Variants in GRID1 observed in about 807,000 individuals in gnomAD.
GRID1 encodes glutamate ionotropic receptor delta type subunit 1.
In GRID1, 28 loss-of-function variants were observed where a neutral mutation model predicts 98.0. The observed-to-expected ratio is 0.29, with a 90% confidence interval of 0.21 to 0.39. The LOEUF (loss-of-function observed/expected upper bound fraction) is 0.39, where lower values mean the gene tolerates loss of function less well. GRID1 is among the 10% of genes least tolerant of loss of function. The pLI is 1.00. For missense variants in GRID1, 1,111 were observed against 1,340.5 expected, an observed-to-expected ratio of 0.83 and a Z score of 2.67; for synonymous variants, 553 against 538.5, an observed-to-expected ratio of 1.03 and a Z score of -0.37.
At chr10:86,177,339 C>T (rs754273754) in intron 3 of GRID1, among the ~76,000 whole-genome samples, 21 of 152,162 alleles carry the variant, frequency 1.4e-4, no homozygotes, top group Non-Finnish European at 2.6e-4. Context: ...GCTCAACATT[C>T]AACTTACTTC....
chr10:86,348,656 A>G (rs1040317563), intron 2 of GRID1, among the ~76,000 whole-genome samples: 8 of 152,208 alleles, frequency 5.3e-5, no homozygotes, highest in African/African-American at 1.7e-4. Flanking sequence ...GTCCCAGCAC[A>G]TCCACGCACG....
At chr10:86,240,596 C>T (rs1311805236) in intron 2 of GRID1, among the ~76,000 whole-genome samples, 4 of 45,192 alleles carry the variant, frequency 8.9e-5, no homozygotes, top group Non-Finnish European at 1.5e-4. Context: ...GCGGCGGGGG[C>T]GGGGGTGGGC....
intron 12 of GRID1, among the ~76,000 whole-genome samples, chr10:85,721,841 T>C (rs1426432315): frequency 6.6e-6 from 1 of 152,148 alleles, no homozygotes; most frequent in Non-Finnish European, 1.5e-5. Context: ...AATGCACACA[T>C]ACATATACAC....
At chr10:85,680,323 C>T (rs569631546) in intron 12 of GRID1, among the ~76,000 whole-genome samples, 2 of 152,292 alleles carry the variant, frequency 1.3e-5, no homozygotes, top group African/African-American at 4.8e-5. Context: ...ACTACACCCT[C>T]ACTCCTTCCC....
rs201870748 is a variant in GRID1, at chr10:85,716,816, A to T, written c.1997+6187T>A. Among the ~76,000 whole-genome samples the T allele has an allele frequency of 4.2e-4, 63 of 151,710 alleles. 1 individual carries two copies. In the East Asian group the frequency reaches 7.5e-3, roughly 18 times the overall value. ...GAGGATATTATGTTACGTTAACTCA[A>T]ATATTATATTATGTTAACTCAAATA... On this transcript the variant is annotated intron_variant, in intron 12 of 15. Coordinates refer to ENST00000327946, the MANE Select transcript of GRID1 (RefSeq NM_017551.3).
At chr10:86,279,379 C>A (rs1281846458) in intron 2 of GRID1, among the ~76,000 whole-genome samples, 1 of 152,120 alleles carries the variant, frequency 6.6e-6, no homozygotes, top group Non-Finnish European at 1.5e-5. Flanking sequence ...AATTTAGATG[C>A]AAAAACTTTA....
intron 2 of GRID1, among the ~76,000 whole-genome samples, chr10:86,262,608 A>T (rs927524258): frequency 6.6e-6 from 1 of 152,292 alleles, no homozygotes; most frequent in Admixed American, 6.5e-5. Flanking sequence ...GCTCTGGACC[A>T]CAGCCCTGTT....
At chr10:86,056,177 G>C (rs1843569674) in intron 4 of GRID1, among the ~76,000 whole-genome samples, 1 of 152,164 alleles carries the variant, frequency 6.6e-6, no homozygotes. Context: ...GCCTTGAGTT[G>C]TCCCAGAATC....
chr10:86,193,839 C>T (rs1373826038), intron 3 of GRID1, among the ~76,000 whole-genome samples: 1 of 151,962 alleles, frequency 6.6e-6, no homozygotes, highest in Non-Finnish European at 1.5e-5. Flanking sequence ...CTCACCACCT[C>T]CCTCCCTCCC....
At position 85,869,199 on chromosome 10, in the gene GRID1, C is replaced by T. The variant is rs375172407; in HGVS notation, c.781-19G>A. 4 of 1,605,166 alleles carry T rather than the reference C, an allele frequency of 2.5e-6. No homozygotes were observed. The highest frequency in any genetic ancestry group is 3.4e-6 in the Non-Finnish European group (4 of 1,172,114). On this transcript the variant is annotated intron_variant, in intron 5 of 15. Transcript: ENST00000327946. ...TGATTTCCTAGAAAAATAACCAGGC[C>T]CATGCTTACCATCCACTCATGAACT...
At chr10:86,122,350 G>A (rs1018623934) in intron 4 of GRID1, among the ~76,000 whole-genome samples, 1 of 152,234 alleles carries the variant, frequency 6.6e-6, no homozygotes, top group Non-Finnish European at 1.5e-5. Flanking sequence ...CCCTCTGTCT[G>A]ACCCTGTCGG....
rs141966932 is a variant in GRID1, at chr10:86,361,843, T to G, written c.235+2098A>C. Among the ~76,000 whole-genome samples the G allele has an allele frequency of 2.7e-3, 406 of 152,330 alleles. 25 individuals carry two copies. In the East Asian group the frequency reaches 0.072, roughly 27 times the overall value. On this transcript the variant is annotated intron_variant, in intron 2 of 15. Coordinates refer to ENST00000327946, the MANE Select transcript of GRID1 (RefSeq NM_017551.3). ...AAAGCTGTGTGACAGCTTCTCCTTT[T>G]AATGGAGATGACCTCTTCAGACCCT...
intron 12 of GRID1, among the ~76,000 whole-genome samples, chr10:85,708,125 A>C (rs11816288): frequency 0.018 from 2,308 of 127,344 alleles, 54 homozygotes; most frequent in African/African-American, 0.062. Flanking sequence ...AAAAAAAAAA[A>C]AAAAAACACA....
chr10:86,356,365 G>A (rs942025004), intron 2 of GRID1, among the ~76,000 whole-genome samples: 1 of 152,240 alleles, frequency 6.6e-6, no homozygotes, highest in African/African-American at 2.4e-5. Flanking sequence ...GCCATGAATG[G>A]TAAAGAGGCA....
chr10:85,778,559 G>T (rs146933686), intron 8 of GRID1, among the ~76,000 whole-genome samples: 28 of 152,274 alleles, frequency 1.8e-4, no homozygotes, highest in African/African-American at 6.7e-4. Context: ...ACTTTCTAGT[G>T]CATGGGAAGA....
intron 4 of GRID1, among the ~76,000 whole-genome samples, chr10:85,945,378 C>A (rs1345797403): frequency 6.6e-6 from 1 of 151,778 alleles, no homozygotes; most frequent in Non-Finnish European, 1.5e-5. Flanking sequence ...TTGGTTTAAC[C>A]CTTTGTAATA....
At chr10:86,080,834 T>G (rs1390563174) in intron 4 of GRID1, among the ~76,000 whole-genome samples, 2 of 152,096 alleles carry the variant, frequency 1.3e-5, no homozygotes, top group African/African-American at 4.8e-5. Flanking sequence ...GACCGCCAGA[T>G]TTTACCACCA....
intron 4 of GRID1, among the ~76,000 whole-genome samples, chr10:86,120,300 G>A (rs1284743462): frequency 1.3e-5 from 2 of 152,144 alleles, no homozygotes; most frequent in Non-Finnish European, 2.9e-5. Flanking sequence ...GTTTTCTGTG[G>A]TTGGTCCTTG....
At chr10:85,913,372 TC>T (rs1841567174) in intron 5 of GRID1, among the ~76,000 whole-genome samples, 1 of 152,228 alleles carries the variant, frequency 6.6e-6, no homozygotes. Flanking sequence ...TGATTTAACC[TC>T]TGGAGACTCT....
Sources: allele counts gnomAD v4.1 joint callset (sites outside exome capture counted in the v4.1 genomes callset), GRCh38; gene constraint gnomAD v4.1.1; transcripts MANE v1.5; gene names NCBI Gene and HGNC (gene_info 2026-07-23, HGNC 2026-07-21).